The following LDB2 variants were observed in gnomAD, a reference collection of about 807,000 sequenced individuals.
LDB2 encodes LIM domain-binding protein 2.
Under a neutral mutation model 44.3 loss-of-function variants are expected in LDB2, and 12 were observed. The ratio of observed to expected loss-of-function variants is 0.27; its 90% CI spans 0.17 to 0.44. The LOEUF (loss-of-function observed/expected upper bound fraction) is 0.44, where lower values mean the gene tolerates loss of function less well. LDB2 is among the 20% of genes least tolerant of loss of function. The pLI is 1.00. For missense variants in LDB2, 344 were observed against 473.5 expected (o/e 0.73, Z 2.54); for synonymous variants, 164 against 174.8 (o/e 0.94, Z 0.49).
intron 2 of LDB2, among the ~76,000 whole-genome samples, chr4:16,611,754 C>A (rs1274483149): frequency 6.6e-6 from 1 of 152,228 alleles, no homozygotes; most frequent in Admixed American, 6.5e-5. Flanking sequence ...GGCTCCCACA[C>A]AATAATAGTG....
At chr4:16,873,614 A>G (rs1717405238) in intron 1 of LDB2, among the ~76,000 whole-genome samples, 1 of 152,240 alleles carries the variant, frequency 6.6e-6, no homozygotes, top group African/African-American at 2.4e-5. Context: ...TTCTAAAACA[A>G]GGAGTATTTT....
chr4:16,630,119 C>T (rs1017456470), intron 2 of LDB2, among the ~76,000 whole-genome samples: 1 of 151,970 alleles, frequency 6.6e-6, no homozygotes, highest in East Asian at 1.9e-4. Context: ...GAAGAGAAAC[C>T]CCAAAACACA....
chr4:16,645,397 C>T (rs1307606613), intron 2 of LDB2, among the ~76,000 whole-genome samples: 1 of 151,362 alleles, frequency 6.6e-6, no homozygotes, highest in Non-Finnish European at 1.5e-5. Context: ...ATTAGCCGGG[C>T]GCGGTGGCGG....
intron 2 of LDB2, among the ~76,000 whole-genome samples, chr4:16,627,196 C>A (rs148639097): frequency 3.3e-5 from 5 of 152,278 alleles, no homozygotes; most frequent in African/African-American, 1.2e-4. Context: ...CATCCCCACC[C>A]CACCACAATT....
chr4:16,811,539 C>A lies in LDB2; in HGVS notation c.133-52279G>T, dbSNP rs571097744. Among the ~76,000 whole-genome samples, 282 of 152,232 alleles carry A rather than the reference C, an allele frequency of 1.9e-3. 1 individual carries two copies. Among genetic ancestry groups the A allele is most frequent in the African/African-American group, 6.6e-3 (274 of 41,534 alleles). Reference sequence around the variant, plus strand: ...TTAGGGAAAGGGCATTTACTAGACCCGATTTTCTACAATGATCATTTAATC... The same window carrying A: ...TTAGGGAAAGGGCATTTACTAGACCAGATTTTCTACAATGATCATTTAATC... On this transcript the variant is annotated intron_variant, in intron 1 of 7. Coordinates refer to ENST00000304523, the MANE Select transcript of LDB2 (RefSeq NM_001290.5).
chr4:16,877,057 G>A (rs1388690862), intron 1 of LDB2, among the ~76,000 whole-genome samples: 1 of 152,112 alleles, frequency 6.6e-6, no homozygotes, highest in Non-Finnish European at 1.5e-5. Context: ...GCAGGTGTGT[G>A]CCACCACACC....
At chr4:16,534,373 C>G (rs1477319821) in intron 5 of LDB2, among the ~76,000 whole-genome samples, 1 of 152,130 alleles carries the variant, frequency 6.6e-6, no homozygotes, top group Non-Finnish European at 1.5e-5. Flanking sequence ...AACTTTTACC[C>G]CAATGGGACT....
chr4:16,892,983 G>T, intron 1 of LDB2: 1 of 474,948 alleles, frequency 2.1e-6, no homozygotes, highest in Non-Finnish European at 2.7e-6. Flanking sequence ...TTAGTTTGCA[G>T]CAATTTTTAA....
chr4:16,615,304 A>G, intron 2 of LDB2, among the ~76,000 whole-genome samples: 1 of 152,186 alleles, frequency 6.6e-6, no homozygotes, highest in Non-Finnish European at 1.5e-5. Flanking sequence ...ACACATGTAC[A>G]CATATGTTTA....
intron 1 of LDB2, among the ~76,000 whole-genome samples, chr4:16,798,799 A>G (rs1288862972): frequency 1.3e-5 from 2 of 152,206 alleles, no homozygotes; most frequent in African/African-American, 2.4e-5. Flanking sequence ...AGTCACCTCA[A>G]GTGACAGAGA....
At chr4:16,806,348 G>T (rs1778792230) in intron 1 of LDB2, among the ~76,000 whole-genome samples, 2 of 152,196 alleles carry the variant, frequency 1.3e-5, no homozygotes, top group South Asian at 4.1e-4. Flanking sequence ...TAAGAATGAA[G>T]AGTGGGGTGT....
intron 1 of LDB2, among the ~76,000 whole-genome samples, chr4:16,847,649 G>C (rs189231246): frequency 1.1e-4 from 17 of 151,888 alleles, no homozygotes; most frequent in African/African-American, 3.6e-4. Context: ...ACGGAGTCTC[G>C]CTCTGTCGCC....
chr4:16,591,277 CA>C (rs1190327485), intron 3 of LDB2, among the ~76,000 whole-genome samples: 3 of 152,162 alleles, frequency 2.0e-5, no homozygotes, highest in African/African-American at 7.2e-5. Flanking sequence ...AGTCCTCTGA[CA>C]GATTACTCAG....
At chr4:16,766,727 A>C (rs1769394245) in intron 1 of LDB2, among the ~76,000 whole-genome samples, 1 of 151,870 alleles carries the variant, frequency 6.6e-6, no homozygotes, top group Non-Finnish European at 1.5e-5. Context: ...GCTGGTCCTG[A>C]ACTCCTGACT....
intron 2 of LDB2, among the ~76,000 whole-genome samples, chr4:16,659,453 G>T (rs1045762075): frequency 6.6e-6 from 1 of 151,948 alleles, no homozygotes; most frequent in Non-Finnish European, 1.5e-5. Context: ...GTGTTCATGC[G>T]TTGGGTAGAA....
intron 2 of LDB2, among the ~76,000 whole-genome samples, chr4:16,670,577 C>G (rs1744476032): frequency 6.6e-6 from 1 of 152,150 alleles, no homozygotes; most frequent in African/African-American, 2.4e-5. Context: ...TAAATAAAAA[C>G]AGAGTCAATT....
At chr4:16,527,503 C>CT (rs1278592057) in intron 5 of LDB2, among the ~76,000 whole-genome samples, 3 of 152,098 alleles carry the variant, frequency 2.0e-5, no homozygotes, top group Non-Finnish European at 4.4e-5. Context: ...AGTAAAATCA[C>CT]TATGGAAGAC....
At chr4:16,535,107 C>T (rs750227022) in intron 5 of LDB2, among the ~76,000 whole-genome samples, 2 of 152,168 alleles carry the variant, frequency 1.3e-5, no homozygotes, top group Non-Finnish European at 2.9e-5. Flanking sequence ...CAAGGGGCTT[C>T]GGGTCAGCTG....
rs576277804 is a variant in LDB2 at position 16,681,657 on chromosome 4, C to T, written c.235+77501G>A. Among the ~76,000 whole-genome samples the T allele has an allele frequency of 2.5e-3, 286 of 115,546 alleles. 1 individual carries two copies. The highest frequency in any genetic ancestry group is 0.022 in the Middle Eastern group (3 of 136). The allele number at this position is 115,546 out of a possible 152,430, so 75.8% of individuals were successfully genotyped here. A position where few individuals can be genotyped will look rare whatever the true frequency, so the allele number is the denominator to read the frequency against. On this transcript the variant is annotated intron_variant, in intron 2 of 7. Coordinates refer to ENST00000304523, the MANE Select transcript of LDB2 (RefSeq NM_001290.5). ...TTTTTTTTTTTTTGCGACAGAGTCT[C>T]GCTCTGTCACCCAGGCTGGAGTGCA...
Sources: allele counts gnomAD v4.1 joint callset (sites outside exome capture counted in the v4.1 genomes callset), GRCh38; gene constraint gnomAD v4.1.1; transcripts MANE v1.5; gene names NCBI Gene and HGNC (gene_info 2026-07-23, HGNC 2026-07-21).